Variants in EFCAB10 observed in about 807,000 individuals in gnomAD.
EFCAB10 encodes the protein EF-hand calcium binding domain 10, also known as EF-hand calcium-binding domain-containing protein 10.
EFCAB10 carries 7 observed loss-of-function variants against 7.7 expected under a neutral mutation model. That is an observed-to-expected ratio of 0.91 (90% CI 0.52 to 1.72). The LOEUF (loss-of-function observed/expected upper bound fraction) is 1.72, where lower values mean the gene tolerates loss of function less well. EFCAB10 is among the 40% of genes most tolerant of loss of function. The pLI, the probability that EFCAB10 is intolerant of heterozygous loss-of-function variation, is 0.00. For missense variants in EFCAB10, 112 were observed against 61.5 expected, an observed-to-expected ratio of 1.82 and a Z score of -2.74; for synonymous variants, 52 against 21.0, an observed-to-expected ratio of 2.47 and a Z score of -4.03.
intron 2 of EFCAB10, 39 bp from the exon 3 acceptor site, chr7:105,569,329 A>G (rs1461067834): frequency 2.9e-6 from 2 of 694,942 alleles, no homozygotes; most frequent in Admixed American, 2.1e-5. Flanking sequence ...AGAATTTTAC[A>G]AAGTGAGAAG....
chr7:105,567,363 C>A, intron 4 of EFCAB10, 104 bp downstream of exon 4: 2 of 1,241,844 alleles, frequency 1.6e-6, no homozygotes, highest in Non-Finnish European at 2.3e-6. Context: ...AAGAGGAAGC[C>A]AATTGGATTT....
In EFCAB10 at chr7:105,569,208, C is replaced by T. The variant is rs1468061842; in HGVS notation, c.354G>A (p.Glu118=). ...TCACTTAAAAATAAACTTACACTTC[C>T]TCCTTGAATTTATCCAAAGTTATTT... The part of the protein sequence containing the change: ...GHKITLDKFK[E]EVNKRMKEI The change falls in exon 3 of 5, where the codon GAG becomes GAA. Residue 118 remains glutamate (E), a synonymous_variant. Coordinates refer to ENST00000480514, the MANE Select transcript of EFCAB10 (RefSeq NM_001355526.2). The T allele has an allele frequency of 2.9e-6, 2 of 700,834 alleles. No homozygotes were observed. The highest frequency in any genetic ancestry group is 5.4e-5 in the East Asian group (2 of 37,254). 43.4% of individuals were successfully genotyped at this position (700,834 alleles called of 1,614,324 possible).
intron 4 of EFCAB10, chr7:105,567,061 A>C (rs973563625): frequency 2.8e-6 from 3 of 1,087,128 alleles, no homozygotes; most frequent in Non-Finnish European, 3.8e-6. Flanking sequence ...TCAAAATTGT[A>C]ATATAATTGA....
chr7:105,574,423 GC>G (rs1792022900), intron 1 of EFCAB10, among the ~76,000 whole-genome samples: 1 of 151,914 alleles, frequency 6.6e-6, no homozygotes, highest in Non-Finnish European at 1.5e-5. Flanking sequence ...ATGGCAGAAG[GC>G]ACAGAGGAGC....
intron 1 of EFCAB10, among the ~76,000 whole-genome samples, chr7:105,576,850 T>C (rs970835901): frequency 6.6e-6 from 1 of 152,170 alleles, no homozygotes; most frequent in Non-Finnish European, 1.5e-5. Context: ...GGTCAGGAGT[T>C]CGAGACCAGT....
At position 105,574,147 on chromosome 7, in the gene EFCAB10, CACAT is replaced by C. The variant is rs1161323509; in HGVS notation, c.107-4580_107-4577del. On this transcript the variant is annotated intron_variant, in intron 1 of 4. Coordinates refer to ENST00000480514, the MANE Select transcript of EFCAB10 (RefSeq NM_001355526.2). ...GTGTATATATATATATATATATATACACATACATATATATACACACACACCCATA... is the reference window on the plus strand; with the variant it reads ...GTGTATATATATATATATATATATACACATATATATACACACACACCCATA... Among the ~76,000 whole-genome samples, 85 of 137,462 alleles carry C rather than the reference CACAT, an allele frequency of 6.2e-4. 1 individual carries two copies. Among genetic ancestry groups the C allele is most frequent in the Middle Eastern group, 3.7e-3 (1 of 268 alleles). The allele number at this position is 137,462 out of a possible 152,430, so 90.2% of individuals were successfully genotyped here.
chr7:105,576,959 C>A (rs1792095641), intron 1 of EFCAB10, among the ~76,000 whole-genome samples: 1 of 151,900 alleles, frequency 6.6e-6, no homozygotes. Flanking sequence ...GAGACTGAGG[C>A]ATGAGAATCA....
At chr7:105,580,541 C>G (rs1792198641) in intron 1 of EFCAB10, among the ~76,000 whole-genome samples, 1 of 152,032 alleles carries the variant, frequency 6.6e-6, no homozygotes. Context: ...GTGGCGCCAT[C>G]TCGTGCCCGG....
intron 1 of EFCAB10, among the ~76,000 whole-genome samples, chr7:105,569,951 G>A (rs978395574): frequency 6.6e-6 from 1 of 151,788 alleles, no homozygotes; most frequent in African/African-American, 2.4e-5. Context: ...GGCTGGGCAT[G>A]GTGGTTCATG....
At chr7:105,570,638 G>A (rs1461626591) in intron 1 of EFCAB10, among the ~76,000 whole-genome samples, 5 of 151,934 alleles carry the variant, frequency 3.3e-5, no homozygotes, top group African/African-American at 4.8e-5. Context: ...TCGAGCTCAT[G>A]GGCTCAAGCA....
rs1791642176 is a variant in EFCAB10, at chr7:105,565,139, A to C, written c.*308T>G. 1.7e-6 allele frequency: 1 copy of C among 583,396 alleles called. No individual in the cohort carries two copies. The highest frequency in any genetic ancestry group is 2.9e-6 in the Non-Finnish European group (1 of 348,800). 36.1% of individuals were successfully genotyped at this position (583,396 alleles called of 1,614,324 possible). ...TACAGGTACATTTATTTTCTGATAG[A>C]GCTTTTAATGTTAGGCTGTATATTT... On this transcript the variant is annotated 3_prime_UTR_variant, in exon 5 of 5. Coordinates refer to ENST00000480514, the MANE Select transcript of EFCAB10 (RefSeq NM_001355526.2).
rs1271680675 is a variant in EFCAB10, at chr7:105,581,456, G to T, written c.8C>A (p.Thr3Asn). 5 of 702,956 alleles carry T rather than the reference G, an allele frequency of 7.1e-6. No individual in the cohort carries two copies. The East Asian group carries it at 8.0e-5, about 11-fold the overall frequency. The allele number at this position is 702,956 out of a possible 1,614,324, so 43.5% of individuals were successfully genotyped here. A position where few individuals can be genotyped will look rare whatever the true frequency, so the allele number is the denominator to read the frequency against. The part of the protein sequence containing the change: ME[T>N]SSRELQAAEY... ...CGCGGCTTGGAGCTCCCTGCTGCTG[G>T]TCTCCATCGCTCCGCGTCCCGCTGT... The change falls in exon 1 of 5, where the codon ACC becomes AAC. Residue 3 changes from threonine (T) to asparagine (N), a missense_variant. Coordinates refer to ENST00000480514, the MANE Select transcript of EFCAB10 (RefSeq NM_001355526.2).
At chr7:105,568,976 T>G (rs938324731) in intron 3 of EFCAB10, among the ~76,000 whole-genome samples, 50 of 145,028 alleles carry the variant, frequency 3.4e-4, no homozygotes, top group Non-Finnish European at 6.3e-4. Flanking sequence ...AAAAAAAGAA[T>G]GGAGCTGCCT....
At chr7:105,573,968 C>G (rs1262084506) in intron 1 of EFCAB10, among the ~76,000 whole-genome samples, 4 of 152,080 alleles carry the variant, frequency 2.6e-5, no homozygotes, top group Admixed American at 1.3e-4. Context: ...AGCAATCTCT[C>G]TCATTTGGGT....
At chr7:105,566,639 CA>C (rs965560966) in intron 4 of EFCAB10, 38 of 139,980 alleles carry the variant, frequency 2.7e-4, no homozygotes, top group South Asian at 1.1e-3. Flanking sequence ...GACCATGTCT[CA>C]AAAAAAAAAA....
At chr7:105,570,328 A>G (rs1442528663) in intron 1 of EFCAB10, among the ~76,000 whole-genome samples, 2 of 146,510 alleles carry the variant, frequency 1.4e-5, no homozygotes, top group Non-Finnish European at 3.0e-5. Flanking sequence ...TATAATAAAA[A>G]CAAAGACTGA....
chr7:105,577,945 G>T, intron 1 of EFCAB10, among the ~76,000 whole-genome samples: 1 of 152,160 alleles, frequency 6.6e-6, no homozygotes, highest in East Asian at 1.9e-4. Flanking sequence ...TGTATTTTTA[G>T]TAGAGATAGT....
chr7:105,565,799 A>G (rs528450411), intron 4 of EFCAB10: 5 of 581,108 alleles, frequency 8.6e-6, no homozygotes, highest in African/African-American at 3.7e-5. Flanking sequence ...TTACAGCACA[A>G]TGGGGAAACC....
At chr7:105,578,962 G>T (rs1792154612) in intron 1 of EFCAB10, among the ~76,000 whole-genome samples, 1 of 152,042 alleles carries the variant, frequency 6.6e-6, no homozygotes, top group African/African-American at 2.4e-5. Flanking sequence ...TAGTAGAGAT[G>T]GGGTTTCACC....
Sources: allele counts gnomAD v4.1 joint callset (sites outside exome capture counted in the v4.1 genomes callset), GRCh38; gene constraint gnomAD v4.1.1; transcripts MANE v1.5; gene names NCBI Gene and HGNC (gene_info 2026-07-23, HGNC 2026-07-21).